EIF3J: variants seen among roughly 807,000 people sequenced by gnomAD.
EIF3J encodes the protein eukaryotic translation initiation factor 3, subunit 1 (alpha, 35kD).
EIF3J carries 15 observed loss-of-function variants against 39.0 expected under a neutral mutation model. That is an observed-to-expected ratio of 0.38 (90% CI 0.26 to 0.59). EIF3J has a LOEUF of 0.59. Ranked by LOEUF, EIF3J falls within the 20% of genes least tolerant of loss-of-function variation. EIF3J has a pLI of 0.60. For missense variants in EIF3J, 226 were observed against 308.6 expected (o/e 0.73, Z 2.00); for synonymous variants, 98 against 112.9 (o/e 0.87, Z 0.84).
At chr15:44,560,647 A>G (rs935724954) in intron 7 of EIF3J, 2 of 345,162 alleles carry the variant, frequency 5.8e-6, no homozygotes, top group Admixed American at 4.3e-5. Context: ...CTCACTTTGC[A>G]GAGTATTTAT....
intron 2 of EIF3J, among the ~76,000 whole-genome samples, chr15:44,540,259 A>ATATG (rs1386098262): frequency 1.2e-4 from 7 of 56,208 alleles, no homozygotes; most frequent in Admixed American, 2.4e-4. Context: ...ATATATATAT[A>ATATG]TATATATATT....
In EIF3J at chr15:44,561,372, C is replaced by A; in HGVS notation, c.*223C>A. The A allele has an allele frequency of 2.6e-6, 1 of 385,732 alleles. No individual in the cohort carries two copies. Among genetic ancestry groups the A allele is most frequent in the Non-Finnish European group, 4.7e-6 (1 of 212,504 alleles). The allele number at this position is 385,732 out of a possible 1,614,324, so 23.9% of individuals were successfully genotyped here. A position where few individuals can be genotyped will look rare whatever the true frequency, so the allele number is the denominator to read the frequency against. On this transcript the variant is annotated 3_prime_UTR_variant, in exon 8 of 8. Coordinates refer to ENST00000261868, the MANE Select transcript of EIF3J (RefSeq NM_003758.4). ...TTGGGAACCTAAGTTGCTACTAAATCATAGTTCAAAACCTAATAATGTTGT... is the reference window on the plus strand; with the variant it reads ...TTGGGAACCTAAGTTGCTACTAAATAATAGTTCAAAACCTAATAATGTTGT...
chr15:44,543,495 C>A (rs1299208066), intron 2 of EIF3J, among the ~76,000 whole-genome samples: 2 of 151,188 alleles, frequency 1.3e-5, no homozygotes, highest in Non-Finnish European at 2.9e-5. Context: ...CTTACTGCAA[C>A]CTCCGCCTCC....
chr15:44,557,893 G>A (rs891039587), intron 6 of EIF3J: 1 of 260,128 alleles, frequency 3.8e-6, no homozygotes, highest in African/African-American at 2.2e-5. Flanking sequence ...AGAGATACCT[G>A]GGCTTGTCAG....
chr15:44,537,183 A>G lies in EIF3J; in HGVS notation c.-12A>G, dbSNP rs2081964285. 1 of 1,608,652 alleles carries G rather than the reference A, an allele frequency of 6.2e-7. No individual in the cohort carries two copies. Among genetic ancestry groups the G allele is most frequent in the East Asian group, 2.2e-5 (1 of 44,468 alleles). ...AGCTCTCCCTCTCACACACGCTCACACCCGGCTCGAGATGGCGGCGGCGGC... is the reference window on the plus strand; with the variant it reads ...AGCTCTCCCTCTCACACACGCTCACGCCCGGCTCGAGATGGCGGCGGCGGC... On this transcript the variant is annotated 5_prime_UTR_variant, in exon 1 of 8. Coordinates refer to ENST00000261868, the MANE Select transcript of EIF3J (RefSeq NM_003758.4).
rs1268574382 is a variant in EIF3J, at chr15:44,554,646, G to A, written c.388G>A (p.Glu130Lys). ...GAAATTACAGGAAGAGTCAGACCTC[G>A]AATTAGCAAAGGAAACTTTTGGTAA... ...LKKLQEESDL[E>K]LAKETFGVNN... is the part of the protein sequence containing the mutation. The change falls in exon 5 of 8, where the codon GAA (glutamate) becomes AAA (lysine). Residue 130 changes from glutamate (E) to lysine (K), a missense_variant. Glu to Lys is a moderately conservative substitution (Grantham distance 56, BLOSUM62 1). Coordinates refer to ENST00000261868, the MANE Select transcript of EIF3J (RefSeq NM_003758.4). 4 of 1,611,198 alleles carry A rather than the reference G, an allele frequency of 2.5e-6. No homozygotes were observed. Among genetic ancestry groups the A allele is most frequent in the African/African-American group, 1.3e-5 (1 of 74,836 alleles).
rs765967565 is a variant in EIF3J, at chr15:44,560,253, A to C, written c.576A>C (p.Glu192Asp). The C allele has an allele frequency of 1.9e-6, 3 of 1,595,944 alleles. No individual in the cohort carries two copies. In the South Asian group the frequency reaches 3.5e-5, roughly 18 times the overall value. The change falls in exon 7 of 8, where the codon GAA becomes GAC. Residue 192 changes from glutamate to aspartate, a missense_variant. Coordinates refer to ENST00000261868, the MANE Select transcript of EIF3J (RefSeq NM_003758.4). ...VLVRDVCISLEIDDLKKITNS... is the reference protein window; with the variant it reads ...VLVRDVCISLDIDDLKKITNS... Reference sequence around the variant, plus strand: ...GTATGCCCTTTTTTTTTTAAGTGGAAATTGATGACTTGAAAAAAATTACCA... The same window carrying C: ...GTATGCCCTTTTTTTTTTAAGTGGACATTGATGACTTGAAAAAAATTACCA...
chr15:44,554,673 A>C lies in EIF3J; in HGVS notation c.409+6A>C, dbSNP rs761939111. ...ATTAGCAAAGGAAACTTTTGGTAAGACGGGATTATGATTGCAATACAGTAT... is the reference window on the plus strand; with the variant it reads ...ATTAGCAAAGGAAACTTTTGGTAAGCCGGGATTATGATTGCAATACAGTAT... On this transcript the variant is annotated splice_donor_region_variant and intron_variant, in intron 5 of 7. Coordinates refer to ENST00000261868, the MANE Select transcript of EIF3J (RefSeq NM_003758.4). 22 of 1,591,910 alleles carry C rather than the reference A, an allele frequency of 1.4e-5. No individual in the cohort carries two copies. The South Asian group carries it at 2.1e-4, about 15-fold the overall frequency.
intron 2 of EIF3J, among the ~76,000 whole-genome samples, chr15:44,541,225 G>C (rs2082012120): frequency 6.6e-6 from 1 of 152,194 alleles, no homozygotes; most frequent in South Asian, 2.1e-4. Context: ...TGATATGTAG[G>C]ATGTGTTGAC....
chr15:44,555,075 G>C lies in EIF3J; in HGVS notation c.409+408G>C, dbSNP rs1439160568. 4.6e-5 allele frequency among the ~76,000 whole-genome samples: 7 copies of C among 152,170 alleles called. No homozygotes were observed. The East Asian group carries it at 1.3e-3, about 29-fold the overall frequency. On this transcript the variant is annotated intron_variant, in intron 5 of 7. Transcript: ENST00000261868. ...AGGTGAGAGGCATGCAGCTTTTGCT[G>C]TGCCTTCTTGTGCTCAGTGTCATTT...
intron 6 of EIF3J, among the ~76,000 whole-genome samples, chr15:44,559,673 C>A (rs1010439889): frequency 6.6e-6 from 1 of 150,992 alleles, no homozygotes; most frequent in Non-Finnish European, 1.5e-5. Flanking sequence ...CGTCACTGCA[C>A]TCCAACCTGG....
intron 2 of EIF3J, among the ~76,000 whole-genome samples, chr15:44,541,361 G>C (rs1595798099): frequency 6.6e-6 from 1 of 152,302 alleles, no homozygotes; most frequent in Admixed American, 6.5e-5. Flanking sequence ...AGAGTTTGCA[G>C]AAACTTATAG....
intron 2 of EIF3J, among the ~76,000 whole-genome samples, chr15:44,539,057 G>C (rs1474682501): frequency 7.1e-6 from 1 of 141,286 alleles, no homozygotes; most frequent in Admixed American, 7.4e-5. Context: ...ATGGAGTTTC[G>C]CTCTTGTTGC....
rs1058918 is a variant in EIF3J, at chr15:44,562,108, G to C, written c.*959G>C. Reference sequence around the variant, plus strand: ...ACTTAAATTTTGTGTTACCTCCCAAGAGATACTTTTTGAGAGTATAGAACA... The same window carrying C: ...ACTTAAATTTTGTGTTACCTCCCAACAGATACTTTTTGAGAGTATAGAACA... On this transcript the variant is annotated 3_prime_UTR_variant, in exon 8 of 8. Coordinates refer to ENST00000261868, the MANE Select transcript of EIF3J (RefSeq NM_003758.4). 6.6e-6 allele frequency: 1 copy of C among 152,588 alleles called. No homozygotes were observed. Among genetic ancestry groups the C allele is most frequent in the African/African-American group, 2.4e-5 (1 of 41,436 alleles). 9.5% of individuals were successfully genotyped at this position (152,588 alleles called of 1,614,324 possible). A position where few individuals can be genotyped will look rare whatever the true frequency, so the allele number is the denominator to read the frequency against.
At chr15:44,539,518 C>T (rs1447680674) in intron 2 of EIF3J, among the ~76,000 whole-genome samples, 2 of 150,578 alleles carry the variant, frequency 1.3e-5, no homozygotes, top group African/African-American at 2.4e-5. Context: ...CTCCATTCTC[C>T]TGCCTCAGCC....
intron 5 of EIF3J, 67 bp downstream of exon 5, chr15:44,554,734 A>G: frequency 1.0e-6 from 1 of 975,638 alleles, no homozygotes; most frequent in Non-Finnish European, 1.5e-6. Flanking sequence ...AAAGTTCAGA[A>G]AACATCTCCT....
intron 2 of EIF3J, among the ~76,000 whole-genome samples, chr15:44,546,760 T>C (rs1410189928): frequency 6.6e-6 from 1 of 151,790 alleles, no homozygotes; most frequent in Non-Finnish European, 1.5e-5. Flanking sequence ...TGTTTGATAA[T>C]TGGTTTATAT....
At chr15:44,539,856 A>G (rs566773257) in intron 2 of EIF3J, among the ~76,000 whole-genome samples, 86 of 145,836 alleles carry the variant, frequency 5.9e-4, no homozygotes, top group Non-Finnish European at 1.0e-3. Flanking sequence ...CGCCTCCCGG[A>G]TTCAAGTGAT....
At chr15:44,559,406 G>C (rs1440972010) in intron 6 of EIF3J, among the ~76,000 whole-genome samples, 3 of 144,196 alleles carry the variant, frequency 2.1e-5, no homozygotes, top group Non-Finnish European at 4.5e-5. Flanking sequence ...GCGAGACTCT[G>C]TCTCAAAAAA....
Sources: allele counts gnomAD v4.1 joint callset (sites outside exome capture counted in the v4.1 genomes callset), GRCh38; gene constraint gnomAD v4.1.1; transcripts MANE v1.5; gene names NCBI Gene and HGNC (gene_info 2026-07-23, HGNC 2026-07-21).